Variants in ERBB4 observed in about 807,000 individuals in gnomAD.
ERBB4 encodes the protein receptor tyrosine-protein kinase erbB-4.
ERBB4 carries 42 observed loss-of-function variants against 158.0 expected under a neutral mutation model. The ratio of observed to expected loss-of-function variants is 0.27; its 90% CI spans 0.21 to 0.34. The LOEUF (loss-of-function observed/expected upper bound fraction) is 0.34, where lower values mean the gene tolerates loss of function less well. Among genes scored for constraint, ERBB4 ranks in the 10% least tolerant of loss-of-function variants. The probability of loss-of-function intolerance (pLI) is 1.00; values close to 1 mark genes in which losing one functional copy is unlikely to be tolerated. For missense variants in ERBB4, 1,333 were observed against 1,624.1 expected, an observed-to-expected ratio of 0.82 and a Z score of 3.08; for synonymous variants, 583 against 558.7, an observed-to-expected ratio of 1.04 and a Z score of -0.61.
At chr2:212,101,350 C>CATATATATATATATATATACATAT (rs56091369) in intron 2 of ERBB4, among the ~76,000 whole-genome samples, 2 of 143,100 alleles carry the variant, frequency 1.4e-5, no homozygotes, top group East Asian at 2.0e-4. Context: ...ACACCCTATA[C>CATATATATATATATATATACATAT]ATATATATAT....
intron 2 of ERBB4, among the ~76,000 whole-genome samples, chr2:211,993,689 T>C (rs542584284): frequency 2.0e-5 from 3 of 151,932 alleles, no homozygotes; most frequent in East Asian, 1.9e-4. Flanking sequence ...AATATTGGTA[T>C]GACATTTTTG....
At position 212,455,951 on chromosome 2, in the gene ERBB4, C is replaced by T. The variant is rs1467549246; in HGVS notation, c.82+82498G>A. On this transcript the variant is annotated intron_variant, in intron 1 of 27. Transcript: ENST00000342788. Reference sequence around the variant, plus strand: ...AATAAATGATCATCCCTGACCTCAACACCTTTAACGTAATGGCTTCTTCCC... The same window carrying T: ...AATAAATGATCATCCCTGACCTCAATACCTTTAACGTAATGGCTTCTTCCC... Among the ~76,000 whole-genome samples the T allele has an allele frequency of 2.6e-5, 4 of 152,196 alleles. No homozygotes were observed. The East Asian group carries it at 7.7e-4, about 29-fold the overall frequency.
rs942163247 is a variant in ERBB4 at position 211,813,349 on chromosome 2, G to A, written c.422-25190C>T. Among the ~76,000 whole-genome samples, 22 of 152,290 alleles carry A rather than the reference G, an allele frequency of 1.4e-4. 1 individual carries two copies. The highest frequency in any genetic ancestry group is 4.6e-4 in the African/African-American group (19 of 41,560). The stretch of plus-strand genomic sequence containing the variant: ...AATAGCAGGTAAATCCAGTTGCAAC[G>A]CTGTGTGGTTTTGAGACCTCTACAA... On this transcript the variant is annotated intron_variant, in intron 3 of 27. Transcript: ENST00000342788.
intron 1 of ERBB4, among the ~76,000 whole-genome samples, chr2:212,389,156 T>A (rs1369250468): frequency 6.6e-6 from 1 of 152,100 alleles, no homozygotes; most frequent in Non-Finnish European, 1.5e-5. Flanking sequence ...CAGCATAACA[T>A]TAGCAAACCC....
At chr2:212,385,445 TG>T in intron 1 of ERBB4, among the ~76,000 whole-genome samples, 1 of 151,786 alleles carries the variant, frequency 6.6e-6, no homozygotes, top group Non-Finnish European at 1.5e-5. Context: ...TCTGTCTATG[TG>T]AGTCAACATC....
At chr2:211,508,576 C>G (rs1574634424) in intron 20 of ERBB4, among the ~76,000 whole-genome samples, 1 of 152,246 alleles carries the variant, frequency 6.6e-6, no homozygotes, top group South Asian at 2.1e-4. Flanking sequence ...GGCGATTCAT[C>G]AAAGATCTAG....
At chr2:211,446,427 TA>T (rs1232430074) in intron 20 of ERBB4, among the ~76,000 whole-genome samples, 38 of 152,168 alleles carry the variant, frequency 2.5e-4, no homozygotes, top group Admixed American at 1.6e-3. Flanking sequence ...TGAACAAAAA[TA>T]ACTTCGTAGA....
intron 2 of ERBB4, among the ~76,000 whole-genome samples, chr2:211,968,666 TAA>T (rs957022652): frequency 1.3e-5 from 2 of 152,038 alleles, no homozygotes; most frequent in Non-Finnish European, 2.9e-5. Flanking sequence ...GATAAAGTCA[TAA>T]AGTCATAAGG....
At chr2:212,337,930 C>T (rs1210709720) in intron 1 of ERBB4, among the ~76,000 whole-genome samples, 1 of 152,060 alleles carries the variant, frequency 6.6e-6, no homozygotes, top group Non-Finnish European at 1.5e-5. Context: ...TAAATCTTCT[C>T]CGGGGACTAC....
chr2:212,030,184 T>C (rs1446497079), intron 2 of ERBB4, among the ~76,000 whole-genome samples: 1 of 152,112 alleles, frequency 6.6e-6, no homozygotes, highest in Non-Finnish European at 1.5e-5. Flanking sequence ...TCAATCCCCA[T>C]ATCCAATCAA....
chr2:211,547,277 G>T (rs140726476), intron 20 of ERBB4, among the ~76,000 whole-genome samples: 2,970 of 151,884 alleles, frequency 0.02, 96 homozygotes, highest in African/African-American at 0.068. Context: ...GCTATCTGGA[G>T]AAAAAAAATT....
intron 14 of ERBB4, among the ~76,000 whole-genome samples, chr2:211,669,676 T>C (rs1402958891): frequency 6.6e-6 from 1 of 152,228 alleles, no homozygotes; most frequent in East Asian, 1.9e-4. Flanking sequence ...AAGATTACCG[T>C]AAATTTCTGT....
chr2:211,473,942 G>A (rs943051704), intron 20 of ERBB4, among the ~76,000 whole-genome samples: 4 of 152,016 alleles, frequency 2.6e-5, no homozygotes, highest in African/African-American at 9.7e-5. Context: ...CTACTGGGAA[G>A]GATCCTGGGT....
chr2:211,884,214 C>A (rs761447953), intron 3 of ERBB4, among the ~76,000 whole-genome samples: 3 of 152,112 alleles, frequency 2.0e-5, no homozygotes, highest in Non-Finnish European at 4.4e-5. Context: ...CTTCTGTTTT[C>A]ATTCTTCTTG....
chr2:212,441,787 C>T (rs533335772), intron 1 of ERBB4, among the ~76,000 whole-genome samples: 18 of 152,204 alleles, frequency 1.2e-4, no homozygotes, highest in African/African-American at 4.1e-4. Context: ...GCCTGATCTC[C>T]CTTGGTTTAA....
At chr2:211,794,021 C>G (rs1559524736) in intron 3 of ERBB4, among the ~76,000 whole-genome samples, 1 of 151,810 alleles carries the variant, frequency 6.6e-6, no homozygotes, top group Non-Finnish European at 1.5e-5. Flanking sequence ...TGATCAGAGT[C>G]AAAAGCTCAT....
At chr2:212,486,461 A>G (rs1689987080) in intron 1 of ERBB4, among the ~76,000 whole-genome samples, 1 of 152,142 alleles carries the variant, frequency 6.6e-6, no homozygotes, top group African/African-American at 2.4e-5. Flanking sequence ...TGTTCAGGGT[A>G]ATCTGAATAA....
At chr2:211,577,335 T>C (rs2067920307) in intron 19 of ERBB4, among the ~76,000 whole-genome samples, 1 of 152,130 alleles carries the variant, frequency 6.6e-6, no homozygotes, top group Non-Finnish European at 1.5e-5. Context: ...TTGGATTTTA[T>C]TGTAAGCAAA....
At chr2:211,833,464 A>T (rs1167233229) in intron 3 of ERBB4, among the ~76,000 whole-genome samples, 1 of 152,090 alleles carries the variant, frequency 6.6e-6, no homozygotes, top group Non-Finnish European at 1.5e-5. Flanking sequence ...GCATAATTAC[A>T]AAAGATTCCC....
Sources: gnomAD v4.1 joint callset for allele counts (sites outside exome capture counted in the v4.1 genomes callset) on GRCh38, gnomAD v4.1.1 for gene constraint, MANE v1.5 for transcripts, NCBI Gene and HGNC (gene_info 2026-07-23, HGNC 2026-07-21) for gene names.